Variants in GNAO1 observed in about 807,000 individuals in gnomAD.
GNAO1 encodes the protein G protein subunit alpha o1.
For missense variants in GNAO1, 166 were observed against 478.7 expected (o/e 0.35, Z 6.10); for synonymous variants, 164 against 180.7 (o/e 0.91, Z 0.74).
chr16:56,264,178 G>A (rs1368700036), intron 2 of GNAO1, among the ~76,000 whole-genome samples: 1 of 152,246 alleles, frequency 6.6e-6, no homozygotes, highest in Admixed American at 6.5e-5. Context: ...TGGGGTTGCA[G>A]TGTTGATGGC....
chr16:56,321,432 C>T (rs2037570543), intron 3 of GNAO1, among the ~76,000 whole-genome samples: 1 of 152,154 alleles, frequency 6.6e-6, no homozygotes. Context: ...GAGAGCCTCT[C>T]TTTCCTAATA....
intron 6 of GNAO1, among the ~76,000 whole-genome samples, chr16:56,349,885 C>T (rs2143697246): frequency 6.6e-6 from 1 of 152,314 alleles, no homozygotes; most frequent in Non-Finnish European, 1.5e-5. Context: ...ACGCACGGAG[C>T]CCGCCATGCT....
intron 6 of GNAO1, chr16:56,345,529 C>T: frequency 3.0e-6 from 3 of 984,658 alleles, no homozygotes; most frequent in Non-Finnish European, 2.4e-6. Context: ...ACCCAGGAAC[C>T]TTCCCTAGTG....
intron 2 of GNAO1, among the ~76,000 whole-genome samples, chr16:56,224,478 T>G (rs779154129): frequency 2.0e-5 from 3 of 152,148 alleles, no homozygotes; most frequent in Non-Finnish European, 2.9e-5. Flanking sequence ...TGGGGTTTTA[T>G]TTTTATTTAT....
At chr16:56,273,873 G>C (rs2037038889) in intron 2 of GNAO1, among the ~76,000 whole-genome samples, 1 of 152,188 alleles carries the variant, frequency 6.6e-6, no homozygotes, top group South Asian at 2.1e-4. Context: ...CCTTGAATGA[G>C]CTCTGGGAAG....
At chr16:56,257,518 G>T (rs990837200) in intron 2 of GNAO1, among the ~76,000 whole-genome samples, 1 of 151,876 alleles carries the variant, frequency 6.6e-6, no homozygotes, top group Non-Finnish European at 1.5e-5. Context: ...GCTGTGTAGA[G>T]CCTTCTGGCT....
intron 2 of GNAO1, among the ~76,000 whole-genome samples, chr16:56,220,899 C>T (rs1282889430): frequency 6.6e-6 from 1 of 152,096 alleles, no homozygotes; most frequent in Non-Finnish European, 1.5e-5. Context: ...AGGTGCCTGC[C>T]ACCGCGACCT....
At chr16:56,209,823 C>G (rs1334166228) in intron 2 of GNAO1, among the ~76,000 whole-genome samples, 1 of 152,030 alleles carries the variant, frequency 6.6e-6, no homozygotes, top group Non-Finnish European at 1.5e-5. Context: ...CACACATGCC[C>G]AGCCTCCCCC....
intron 6 of GNAO1, among the ~76,000 whole-genome samples, chr16:56,337,159 A>T (rs1251068868): frequency 6.6e-6 from 1 of 152,278 alleles, no homozygotes; most frequent in African/African-American, 2.4e-5. Flanking sequence ...CCATCAGGCC[A>T]TAGCAAATTT....
Position 56,230,338 on chromosome 16 carries a change from C to A in GNAO1, c.161+37722C>A, listed in dbSNP as rs1429501685. ...CACAGCTTGTCCAGAGGAAGCGGGACATTCACCTCCAAGCCCCAGCCATCT... is the reference window on the plus strand; with the variant it reads ...CACAGCTTGTCCAGAGGAAGCGGGAAATTCACCTCCAAGCCCCAGCCATCT... On this transcript the variant is annotated intron_variant, in intron 2 of 8. Transcript: ENST00000262493. Among the ~76,000 whole-genome samples the A allele has an allele frequency of 2.0e-5, 3 of 152,266 alleles. No individual in the cohort carries two copies. The East Asian group carries it at 5.8e-4, about 30-fold the overall frequency.
At chr16:56,235,225 T>C (rs1178365571) in intron 2 of GNAO1, 3 of 436,216 alleles carry the variant, frequency 6.9e-6, no homozygotes, top group African/African-American at 6.1e-5. Context: ...CTCAAAGAGA[T>C]TGCAGGACTT....
chr16:56,331,969 A>C (rs1011375376), intron 4 of GNAO1, among the ~76,000 whole-genome samples: 2 of 151,774 alleles, frequency 1.3e-5, no homozygotes, highest in Admixed American at 1.3e-4. Context: ...AGGTATCTCT[A>C]CTTCTGCTCG....
chr16:56,345,728 A>C (rs1412485945), intron 6 of GNAO1: 39 of 985,476 alleles, frequency 4.0e-5, no homozygotes, highest in Non-Finnish European at 4.6e-5. Flanking sequence ...AGCCAGGGCC[A>C]GCTAAGCTAA....
rs1342658552 is a variant in GNAO1 at position 56,192,016 on chromosome 16, C to T, written c.-220C>T. The stretch of plus-strand genomic sequence containing the variant: ...CCACCCTCGATTCGACAACCCCAGA[C>T]CCCTGCCAGCTGCCGCGAGTCTCCG... On this transcript the variant is annotated 5_prime_UTR_variant, in exon 1 of 9. Transcript: ENST00000262493. 4 of 576,748 alleles carry T rather than the reference C, an allele frequency of 6.9e-6. 1 individual carries two copies. In the Admixed American group the frequency reaches 9.4e-5, roughly 14 times the overall value. The allele number at this position is 576,748 out of a possible 1,614,324, so 35.7% of individuals were successfully genotyped here. A position where few individuals can be genotyped will look rare whatever the true frequency, so the allele number is the denominator to read the frequency against.
chr16:56,303,751 G>C (rs780701914), intron 3 of GNAO1, among the ~76,000 whole-genome samples: 1 of 152,266 alleles, frequency 6.6e-6, no homozygotes, highest in Non-Finnish European at 1.5e-5. Flanking sequence ...GTCCCCGGCA[G>C]TCACTGTATT....
At position 56,357,044 on chromosome 16, in the gene GNAO1, TACC is replaced by T. The variant is rs1366704636; in HGVS notation, c.*973_*975del. 5 of 149,180 alleles carry T rather than the reference TACC, an allele frequency of 3.4e-5. No homozygotes were observed. Among genetic ancestry groups the T allele is most frequent in the African/African-American group, 1.2e-4 (5 of 40,694 alleles). 9.2% of individuals were successfully genotyped at this position (149,180 alleles called of 1,614,324 possible). A position where few individuals can be genotyped will look rare whatever the true frequency, so the allele number is the denominator to read the frequency against. On this transcript the variant is annotated 3_prime_UTR_variant, in exon 9 of 9. Coordinates refer to ENST00000262493, the MANE Select transcript of GNAO1 (RefSeq NM_020988.3). The stretch of plus-strand genomic sequence containing the variant: ...AAAAGAACAAAAAAAAATTTTTAAA[TACC>T]ACAAGATGGAAAAAAAAAACAAAAA...
chr16:56,194,737 G>A (rs1173937849), intron 2 of GNAO1, among the ~76,000 whole-genome samples: 1 of 152,230 alleles, frequency 6.6e-6, no homozygotes, highest in Non-Finnish European at 1.5e-5. Flanking sequence ...CTTTGCATCC[G>A]CCAAAGCAAC....
At chr16:56,194,199 C>G (rs1443797403) in intron 2 of GNAO1, 1 of 456,588 alleles carries the variant, frequency 2.2e-6, no homozygotes, top group Non-Finnish European at 4.4e-6. Context: ...CCCCTTGGCT[C>G]GCCGCACCCT....
At chr16:56,204,939 T>G (rs144801725) in intron 2 of GNAO1, among the ~76,000 whole-genome samples, 1 of 152,274 alleles carries the variant, frequency 6.6e-6, no homozygotes, top group Non-Finnish European at 1.5e-5. Context: ...AGGTCATAAT[T>G]TATATCTTTC....
Sources: allele counts gnomAD v4.1 joint callset (sites outside exome capture counted in the v4.1 genomes callset), GRCh38; gene constraint gnomAD v4.1.1; transcripts MANE v1.5; gene names NCBI Gene and HGNC (gene_info 2026-07-23, HGNC 2026-07-21).